Variants in INVS observed in about 807,000 individuals in gnomAD.
The protein encoded by INVS is inversion of embryo turning homolog.
In INVS, 86 loss-of-function variants were observed where a neutral mutation model predicts 108.8. The ratio of observed to expected loss-of-function variants is 0.79; its 90% CI spans 0.66 to 0.95. INVS has a LOEUF of 0.95. Among genes scored for constraint, INVS ranks in the 40% least tolerant of loss-of-function variants. The pLI, the probability that INVS is intolerant of heterozygous loss-of-function variation, is 0.00. For missense variants in INVS, 1,169 were observed against 1,297.4 expected, an observed-to-expected ratio of 0.90 and a Z score of 1.52; for synonymous variants, 455 against 473.5, an observed-to-expected ratio of 0.96 and a Z score of 0.51.
intron 3 of INVS, among the ~76,000 whole-genome samples, chr9:100,206,568 G>A (rs1321766040): frequency 2.0e-5 from 3 of 152,050 alleles, no homozygotes; most frequent in Non-Finnish European, 4.4e-5. Flanking sequence ...AGTTGCAGGT[G>A]TGATACTCCT....
Position 100,292,603 on chromosome 9 carries a change from A to G in INVS, c.2346A>G (p.Thr782=). Residue 782 remains threonine, a synonymous_variant, in exon 14 of 17, where the codon ACA becomes ACG. Coordinates refer to ENST00000262457, the MANE Select transcript of INVS (RefSeq NM_014425.5). The part of the protein sequence containing the change: ...SHWKPSRRHD[T]EPKAKCAPQK... ...GGAAGCCCAGCAGGCGGCATGACAC[A>G]GAACCCAAGGCCAAATGTGCCCCCC... 1 of 1,614,226 alleles carries G rather than the reference A, an allele frequency of 6.2e-7. No individual in the cohort carries two copies. Among genetic ancestry groups the G allele is most frequent in the Non-Finnish European group, 8.5e-7 (1 of 1,180,042 alleles).
intron 11 of INVS, among the ~76,000 whole-genome samples, chr9:100,269,304 ACT>A (rs1305230650): frequency 6.6e-6 from 1 of 152,146 alleles, no homozygotes; most frequent in African/African-American, 2.4e-5. Flanking sequence ...TGGTTTAATG[ACT>A]CTATGATAAT....
intron 13 of INVS, among the ~76,000 whole-genome samples, chr9:100,285,698 G>C (rs373070883): frequency 7.2e-5 from 11 of 152,190 alleles, no homozygotes; most frequent in East Asian, 3.8e-4. Flanking sequence ...GCAATAAATT[G>C]TAACAACCAG....
At chr9:100,164,766 G>T (rs993674471) in intron 3 of INVS, among the ~76,000 whole-genome samples, 5 of 151,876 alleles carry the variant, frequency 3.3e-5, no homozygotes, top group South Asian at 2.1e-4. Flanking sequence ...TGTCATAAAT[G>T]TTTTTGTTTA....
intron 10 of INVS, among the ~76,000 whole-genome samples, chr9:100,257,072 GC>G (rs1047428788): frequency 8.5e-5 from 13 of 152,282 alleles, no homozygotes; most frequent in Admixed American, 6.5e-4. Flanking sequence ...CTAAGAACTT[GC>G]TTTATGAATC....
chr9:100,198,264 A>ATTTTTTTTTTTTTTTTTTTTTTT (rs66710233), intron 3 of INVS, among the ~76,000 whole-genome samples: 4 of 65,286 alleles, frequency 6.1e-5, no homozygotes, highest in Non-Finnish European at 1.1e-4. Context: ...GAGGGCTAGA[A>ATTTTTTTTTTTTTTTTTTTTTTT]TTTTTTTTTT....
At chr9:100,242,713 G>T (rs777941452) in intron 7 of INVS, 34 bp downstream of exon 7, 2 of 1,211,122 alleles carry the variant, frequency 1.7e-6, no homozygotes, top group Non-Finnish European at 2.5e-6. Flanking sequence ...TTTTTTCTTA[G>T]TGAAAATTGT....
chr9:100,199,095 C>G (rs145155100), intron 3 of INVS, among the ~76,000 whole-genome samples: 71 of 152,240 alleles, frequency 4.7e-4, no homozygotes, highest in African/African-American at 1.6e-3. Context: ...TACTTGTAGG[C>G]TTTTTATCTT....
intron 10 of INVS, among the ~76,000 whole-genome samples, chr9:100,261,238 C>T (rs970004056): frequency 1.3e-5 from 2 of 150,792 alleles, no homozygotes; most frequent in Non-Finnish European, 2.9e-5. Flanking sequence ...AAATATGGTC[C>T]ATGTCTTTAT....
At chr9:100,193,943 C>A (rs1248264559) in intron 3 of INVS, among the ~76,000 whole-genome samples, 1 of 152,154 alleles carries the variant, frequency 6.6e-6, no homozygotes, top group East Asian at 1.9e-4. Flanking sequence ...CAGCACCTAG[C>A]CTTGGATACA....
chr9:100,156,745 T>C (rs576094032), intron 3 of INVS, among the ~76,000 whole-genome samples: 102 of 152,170 alleles, frequency 6.7e-4, no homozygotes, highest in Non-Finnish European at 1.3e-3. Context: ...GTTTCATATA[T>C]GTATGTTTCC....
intron 3 of INVS, among the ~76,000 whole-genome samples, chr9:100,131,599 G>T (rs1224682091): frequency 6.6e-6 from 1 of 152,128 alleles, no homozygotes; most frequent in Non-Finnish European, 1.5e-5. Flanking sequence ...TTGCTCCAGG[G>T]AGGCTACTAT....
intron 13 of INVS, among the ~76,000 whole-genome samples, chr9:100,289,493 A>G (rs1038902142): frequency 1.1e-4 from 17 of 152,212 alleles, no homozygotes; most frequent in Admixed American, 2.6e-4. Flanking sequence ...ACAGAAGTTT[A>G]TTATTTCTCA....
At chr9:100,274,569 A>T (rs2118678837) in intron 12 of INVS, among the ~76,000 whole-genome samples, 1 of 152,256 alleles carries the variant, frequency 6.6e-6, no homozygotes, top group Admixed American at 6.5e-5. Flanking sequence ...CAGTGGCATG[A>T]TCGCCACTCA....
intron 16 of INVS, among the ~76,000 whole-genome samples, chr9:100,299,635 G>GACACACACACACACACACAC (rs10530240): frequency 1.5e-5 from 2 of 132,260 alleles, no homozygotes; most frequent in South Asian, 2.5e-4. Flanking sequence ...GCCTTTTATT[G>GACACACACACACACACACAC]ACACACACAC....
At chr9:100,248,830 G>A (rs1398459150) in intron 8 of INVS, among the ~76,000 whole-genome samples, 1 of 151,898 alleles carries the variant, frequency 6.6e-6, no homozygotes. Context: ...ATGGACAAGG[G>A]ATTACATCTT....
chr9:100,205,541 A>G (rs1195316324), intron 3 of INVS, among the ~76,000 whole-genome samples: 3 of 152,138 alleles, frequency 2.0e-5, no homozygotes, highest in Non-Finnish European at 4.4e-5. Flanking sequence ...TTGAAACAAG[A>G]GTAATATAGA....
intron 5 of INVS, among the ~76,000 whole-genome samples, chr9:100,232,548 G>A (rs1437860345): frequency 1.3e-5 from 2 of 152,220 alleles, no homozygotes; most frequent in African/African-American, 2.4e-5. Context: ...TAAGGAAGGG[G>A]TCCAGTTTCA....
At chr9:100,137,547 G>A (rs1189644008) in intron 3 of INVS, among the ~76,000 whole-genome samples, 1 of 141,408 alleles carries the variant, frequency 7.1e-6, no homozygotes, top group African/African-American at 3.1e-5. Context: ...ATAATTCAAA[G>A]ACATTTGGTA....
Sources: gnomAD v4.1 joint callset for allele counts (sites outside exome capture counted in the v4.1 genomes callset) on GRCh38, gnomAD v4.1.1 for gene constraint, MANE v1.5 for transcripts, NCBI Gene and HGNC (gene_info 2026-07-23, HGNC 2026-07-21) for gene names.